Variants in PCDHGA6 observed in about 807,000 individuals in gnomAD.
PCDHGA6 encodes the protein protocadherin gamma subfamily A, 6, also known as protocadherin gamma-A6.
PCDHGA6 carries 41 observed loss-of-function variants against 60.6 expected under a neutral mutation model. The observed-to-expected ratio is 0.68, with a 90% CI of 0.53 to 0.88. The LOEUF (loss-of-function observed/expected upper bound fraction) is 0.88. Among genes scored for constraint, PCDHGA6 ranks in the 40% least tolerant of loss-of-function variants. The pLI, the probability that PCDHGA6 is intolerant of heterozygous loss-of-function variation, is 0.00. For missense variants in PCDHGA6, 1,312 were observed against 1,203.0 expected (o/e 1.09, Z -1.34); for synonymous variants, 594 against 524.4 (o/e 1.13, Z -1.81).
chr5:141,484,004 G>C (rs1042457090), intron 1 of PCDHGA6, among the ~76,000 whole-genome samples: 5 of 146,164 alleles, frequency 3.4e-5, no homozygotes, highest in Non-Finnish European at 4.5e-5. Flanking sequence ...AGGTCTGGAT[G>C]AGGGTGGGGG....
At chr5:141,502,946 C>T (rs900624216) in intron 2 of PCDHGA6, among the ~76,000 whole-genome samples, 13 of 145,572 alleles carry the variant, frequency 8.9e-5, no homozygotes, top group African/African-American at 2.6e-4. Flanking sequence ...TGGGTTCAAG[C>T]GATTCTCCTG....
chr5:141,448,329 A>T (rs1166759766), intron 1 of PCDHGA6, among the ~76,000 whole-genome samples: 1 of 152,146 alleles, frequency 6.6e-6, no homozygotes, highest in Non-Finnish European at 1.5e-5. Context: ...TTGAATCTTT[A>T]TAGCCATGTA....
At chr5:141,418,717 C>G in intron 1 of PCDHGA6, 2 of 1,613,938 alleles carry the variant, frequency 1.2e-6, no homozygotes, top group Non-Finnish European at 1.7e-6. Context: ...GTGTGGCTGA[C>G]AAAGCTCAGC....
chr5:141,431,685 A>C lies in PCDHGA6; in HGVS notation c.2424+55178A>C. The C allele has an allele frequency of 6.2e-7, 1 of 1,614,246 alleles. No homozygotes were observed. Among genetic ancestry groups the C allele is most frequent in the East Asian group, 2.2e-5 (1 of 44,876 alleles). ...ATATCAACAATAGGGGAGTTGGACCACGAGGAGTCAGGATTCTACCAGATG... is the reference window on the plus strand; with the variant it reads ...ATATCAACAATAGGGGAGTTGGACCCCGAGGAGTCAGGATTCTACCAGATG... On this transcript the variant is annotated intron_variant, in intron 1 of 3. Transcript: ENST00000517434. This position sits in a 1 kb window ranked among gnomAD's most constrained non-coding sequence, Gnocchi z 4.8.
chr5:141,485,338 T>C lies in PCDHGA6; in HGVS notation c.2425-9469T>C, dbSNP rs1259658641. The stretch of plus-strand genomic sequence containing the variant: ...ATGTCGCTCAAGATTTCCTGCTGGA[T>C]ACGGACAGTCTGTCAGCTCGCAGGC... On this transcript the variant is annotated intron_variant, in intron 1 of 3. Coordinates refer to ENST00000517434, the MANE Select transcript of PCDHGA6 (RefSeq NM_018919.3). The surrounding 1 kb of genome is among the most constrained non-coding windows in gnomAD (Gnocchi z 5.7). 1 of 1,614,140 alleles carries C rather than the reference T, an allele frequency of 6.2e-7. No individual in the cohort carries two copies. Among genetic ancestry groups the C allele is most frequent in the Non-Finnish European group, 8.5e-7 (1 of 1,180,006 alleles).
At chr5:141,441,005 C>T (rs772059231) in intron 1 of PCDHGA6, 1 of 152,116 alleles carries the variant, frequency 6.6e-6, no homozygotes, top group Non-Finnish European at 1.5e-5. Context: ...CTAGTTTGGC[C>T]TTGATCAAAT....
chr5:141,414,066 A>G, intron 1 of PCDHGA6: 2 of 1,608,358 alleles, frequency 1.2e-6, no homozygotes, highest in African/African-American at 1.3e-5. Context: ...TGAAGTTCCA[A>G]CTAAACAAAT....
intron 1 of PCDHGA6, among the ~76,000 whole-genome samples, chr5:141,450,782 C>T (rs1012152203): frequency 2.0e-5 from 3 of 151,350 alleles, no homozygotes; most frequent in East Asian, 1.9e-4. Flanking sequence ...CCACCGTGCC[C>T]GGACCTCATG....
intron 2 of PCDHGA6, among the ~76,000 whole-genome samples, chr5:141,498,828 G>C (rs2099786098): frequency 6.6e-6 from 1 of 152,092 alleles, no homozygotes; most frequent in Non-Finnish European, 1.5e-5. Flanking sequence ...AGCTACTCAG[G>C]AGGCTGAGGC....
chr5:141,492,050 C>CT, intron 1 of PCDHGA6: 1 of 501,102 alleles, frequency 2.0e-6, no homozygotes, highest in Non-Finnish European at 3.5e-6. Flanking sequence ...AGATCCACCC[C>CT]TGCAGCCAGC....
At chr5:141,478,524 C>T in intron 1 of PCDHGA6, 1 of 1,609,844 alleles carries the variant, frequency 6.2e-7, no homozygotes, top group Non-Finnish European at 8.5e-7. Flanking sequence ...GTGTTGGGTG[C>T]AGAGAGCGCC....
chr5:141,398,692 AG>A, intron 1 of PCDHGA6: 1 of 1,613,942 alleles, frequency 6.2e-7, no homozygotes, highest in Non-Finnish European at 8.5e-7. Context: ...ACAGGATGGT[AG>A]TAAATACCCG....
intron 1 of PCDHGA6, chr5:141,382,669 G>GT (rs1778360255): frequency 2.3e-6 from 1 of 433,228 alleles, no homozygotes. Context: ...CAGCGCCGCT[G>GT]TTCACCAACC....
intron 1 of PCDHGA6, chr5:141,417,066 T>C (rs1373522268): frequency 6.6e-6 from 1 of 152,110 alleles, no homozygotes; most frequent in Non-Finnish European, 1.5e-5. Context: ...ACATTGTAGC[T>C]ATTGTGAGAA....
At chr5:141,407,559 G>A (rs1210777840) in intron 1 of PCDHGA6, among the ~76,000 whole-genome samples, 1 of 151,834 alleles carries the variant, frequency 6.6e-6, no homozygotes, top group African/African-American at 2.4e-5. Context: ...TAGAACATAA[G>A]CTGAAAGATA....
chr5:141,377,445 A>T (rs1442230734), intron 1 of PCDHGA6: 1 of 152,050 alleles, frequency 6.6e-6, no homozygotes, highest in Admixed American at 6.6e-5. Flanking sequence ...AAAAGAAAAA[A>T]AAGTAGCCAG....
intron 1 of PCDHGA6, chr5:141,393,938 C>G (rs537803893): frequency 9.3e-6 from 15 of 1,613,818 alleles, no homozygotes; most frequent in Non-Finnish European, 1.3e-5. Context: ...ATGACCAAGA[C>G]TCTGGAAAGA....
chr5:141,410,155 G>T, intron 1 of PCDHGA6: 1 of 1,612,898 alleles, frequency 6.2e-7, no homozygotes. Context: ...ACGGTGGACA[G>T]CCGCCACTCT....
intron 1 of PCDHGA6, chr5:141,394,859 C>T: frequency 6.2e-7 from 1 of 1,613,758 alleles, no homozygotes; most frequent in Non-Finnish European, 8.5e-7. Context: ...AGCCTTCGGT[C>T]GACCCGAACG....
Sources: gnomAD v4.1 joint callset for allele counts (sites outside exome capture counted in the v4.1 genomes callset) on GRCh38, gnomAD v4.1.1 for gene constraint, Gnocchi (gnomAD v3.1) non-coding constraint, MANE v1.5 for transcripts, NCBI Gene and HGNC (gene_info 2026-07-23, HGNC 2026-07-21) for gene names.